The following ATXN1 variants were observed in gnomAD, a reference collection of about 807,000 sequenced individuals.
The protein encoded by ATXN1 is ataxin 1.
In ATXN1, 8 loss-of-function variants were observed where a neutral mutation model predicts 56.4. The ratio of observed to expected loss-of-function variants is 0.14; its 90% confidence interval spans 0.08 to 0.26. The LOEUF (loss-of-function observed/expected upper bound fraction) is 0.26. Ranked by LOEUF, ATXN1 falls within the 10% of genes least tolerant of loss-of-function variation. ATXN1 has a pLI of 1.00. For synonymous variants in ATXN1, 514 were observed against 494.6 expected (o/e 1.04, Z -0.52); for missense variants, 987 against 1,106.5 (o/e 0.89, Z 1.53).
At chr6:16,535,428 G>T (rs1364040227) in intron 4 of ATXN1, among the ~76,000 whole-genome samples, 2 of 152,136 alleles carry the variant, frequency 1.3e-5, no homozygotes, top group African/African-American at 4.8e-5. Flanking sequence ...CATATAAAAG[G>T]GGGACAAGAG....
At chr6:16,325,097 A>G (rs1351374721) in intron 7 of ATXN1, among the ~76,000 whole-genome samples, 2 of 146,056 alleles carry the variant, frequency 1.4e-5, no homozygotes, top group Admixed American at 1.4e-4. Flanking sequence ...GGTCCATCAC[A>G]CTTAGGGCTG....
intron 2 of ATXN1, among the ~76,000 whole-genome samples, chr6:16,711,910 GCAA>G (rs921002998): frequency 2.6e-5 from 4 of 152,160 alleles, no homozygotes; most frequent in Non-Finnish European, 5.9e-5. Flanking sequence ...GTTGCTACCT[GCAA>G]CAATACAGAT....
intron 6 of ATXN1, among the ~76,000 whole-genome samples, chr6:16,337,414 G>T (rs1761148360): frequency 6.6e-6 from 1 of 152,234 alleles, no homozygotes; most frequent in Non-Finnish European, 1.5e-5. Flanking sequence ...AGCTTGGCTG[G>T]GCCATCCCTA....
chr6:16,558,300 C>CAA (rs34684208), intron 4 of ATXN1, among the ~76,000 whole-genome samples: 2 of 95,394 alleles, frequency 2.1e-5, no homozygotes, highest in African/African-American at 3.9e-5. Flanking sequence ...GATCCTGTGT[C>CAA]AAAAAAAAAA....
At chr6:16,691,378 T>C (rs115527092) in intron 2 of ATXN1, among the ~76,000 whole-genome samples, 1 of 152,188 alleles carries the variant, frequency 6.6e-6, no homozygotes, top group South Asian at 2.1e-4. Flanking sequence ...ATATGCATAG[T>C]TTGAAAATGC....
intron 6 of ATXN1, among the ~76,000 whole-genome samples, chr6:16,354,690 G>A (rs141841786): frequency 6.6e-6 from 1 of 152,208 alleles, no homozygotes; most frequent in African/African-American, 2.4e-5. Context: ...TTTGAGGGGT[G>A]AGAGCTCTAA....
At chr6:16,382,966 C>T (rs1360141972) in intron 6 of ATXN1, among the ~76,000 whole-genome samples, 1 of 152,046 alleles carries the variant, frequency 6.6e-6, no homozygotes, top group Non-Finnish European at 1.5e-5. Context: ...CAGAAAGACT[C>T]CCTGAAAGCC....
chr6:16,504,469 T>C (rs1760944265), intron 5 of ATXN1, among the ~76,000 whole-genome samples: 1 of 152,194 alleles, frequency 6.6e-6, no homozygotes, highest in Non-Finnish European at 1.5e-5. Flanking sequence ...CCCCAGAAAC[T>C]AATCATTTAA....
In ATXN1 at chr6:16,760,797, G is replaced by A. The variant is rs996612108; in HGVS notation, c.-730+501C>T. On this transcript the variant is annotated intron_variant, in intron 1 of 7. Transcript: ENST00000436367. This position sits in a 1 kb window ranked among gnomAD's most constrained non-coding sequence, Gnocchi z 5.3. ...AATGGGAAGAGGGCGGCCGGGAAAG[G>A]GACCACCCCCCAACCCCAGCCGCCG... 3.4e-4 allele frequency among the ~76,000 whole-genome samples: 52 copies of A among 151,266 alleles called. No homozygotes were observed. The highest frequency in any genetic ancestry group is 1.2e-3 in the African/African-American group (48 of 41,378).
intron 3 of ATXN1, among the ~76,000 whole-genome samples, chr6:16,617,789 T>C (rs1405231754): frequency 1.2e-5 from 1 of 85,988 alleles, no homozygotes; most frequent in African/African-American, 5.5e-5. Flanking sequence ...AAAAGAAATA[T>C]ACTCATGTTT....
intron 6 of ATXN1, among the ~76,000 whole-genome samples, chr6:16,376,923 G>A (rs987190514): frequency 1.3e-5 from 2 of 152,212 alleles, no homozygotes; most frequent in Non-Finnish European, 2.9e-5. Context: ...ATTCTTGAAA[G>A]GTAAGGAGTA....
intron 6 of ATXN1, among the ~76,000 whole-genome samples, chr6:16,398,628 TTTG>T (rs1758503326): frequency 6.6e-6 from 1 of 152,164 alleles, no homozygotes; most frequent in Non-Finnish European, 1.5e-5. Flanking sequence ...GTGTGTCTAG[TTTG>T]TTTTTCGCCT....
chr6:16,325,727 A>G (rs1760788092), intron 7 of ATXN1, among the ~76,000 whole-genome samples: 1 of 151,992 alleles, frequency 6.6e-6, no homozygotes, highest in African/African-American at 2.4e-5. Flanking sequence ...CTGCTGATCT[A>G]TCTGTTGGCC....
At position 16,328,251 on chromosome 6, in the gene ATXN1, G is replaced by A. The variant is rs751552101; in HGVS notation, c.60C>T (p.Pro20=). Residue 20 remains proline, a synonymous_variant, in exon 7 of 8, where the codon CCC becomes CCT. Transcript: ENST00000436367. This position sits in a 1 kb window ranked among gnomAD's most constrained non-coding sequence, Gnocchi z 6.2. The stretch of plus-strand genomic sequence containing the variant: ...TCTCCTCGGAGGACCGGCTGGTGGC[G>A]GGGATCTCGCGCTTCTTGGGAGGCA... ...ECLPPKKREI[P]ATSRSSEEKA... 32 of 1,545,974 alleles carry A rather than the reference G, an allele frequency of 2.1e-5. No individual in the cohort carries two copies. Among genetic ancestry groups the A allele is most frequent in the East Asian group, 1.1e-4 (5 of 44,250 alleles).
intron 5 of ATXN1, among the ~76,000 whole-genome samples, chr6:16,489,581 A>G (rs1348825971): frequency 1.3e-5 from 2 of 152,160 alleles, no homozygotes; most frequent in Non-Finnish European, 2.9e-5. Flanking sequence ...AGCCACTATT[A>G]AGGAAACCTT....
rs1333283868 is a variant in ATXN1 at position 16,304,216 on chromosome 6, G to T, written c.*2113C>A. 1.3e-5 allele frequency: 2 copies of T among 152,142 alleles called. No homozygotes were observed. The highest frequency in any genetic ancestry group is 4.8e-5 in the African/African-American group (2 of 41,314). The allele number at this position is 152,142 out of a possible 1,614,324, so 9.4% of individuals were successfully genotyped here. A position where few individuals can be genotyped will look rare whatever the true frequency, so the allele number is the denominator to read the frequency against. ...ACGAAGAAAGTACTATTTTCAATGG[G>T]GTAAAAGAAAAGTCAGGTATTTGTT... On this transcript the variant is annotated 3_prime_UTR_variant, in exon 8 of 8. Coordinates refer to ENST00000436367, the MANE Select transcript of ATXN1 (RefSeq NM_001128164.2).
chr6:16,458,545 C>A (rs371722063), intron 6 of ATXN1, among the ~76,000 whole-genome samples: 3 of 152,102 alleles, frequency 2.0e-5, no homozygotes, highest in South Asian at 2.1e-4. Context: ...ACCTGGCAAC[C>A]GCGGTGTTCT....
intron 2 of ATXN1, among the ~76,000 whole-genome samples, chr6:16,740,516 A>G (rs1760301575): frequency 6.6e-6 from 1 of 152,182 alleles, no homozygotes; most frequent in South Asian, 2.1e-4. Flanking sequence ...AAGATTCCAT[A>G]TATGAGATCA....
intron 4 of ATXN1, among the ~76,000 whole-genome samples, chr6:16,557,384 G>A (rs1762035028): frequency 2.6e-5 from 4 of 151,286 alleles, no homozygotes; most frequent in Admixed American, 2.6e-4. Flanking sequence ...TACTACTGAG[G>A]GACAGAGGAG....
Sources: gnomAD v4.1 joint callset for allele counts (sites outside exome capture counted in the v4.1 genomes callset) on GRCh38, gnomAD v4.1.1 for gene constraint, Gnocchi (gnomAD v3.1) non-coding constraint, MANE v1.5 for transcripts, NCBI Gene and HGNC (gene_info 2026-07-23, HGNC 2026-07-21) for gene names.